The following CTSC variants were observed in gnomAD, a reference collection of about 807,000 sequenced individuals.
CTSC encodes dipeptidyl peptidase 1.
CTSC carries 37 observed loss-of-function variants against 40.9 expected under a neutral mutation model. The observed-to-expected ratio is 0.91, with a 90% CI of 0.70 to 1.19. CTSC has a LOEUF of 1.19. Among genes scored for constraint, CTSC ranks in the 50% most tolerant of loss-of-function variants. CTSC has a pLI of 0.00. For synonymous variants in CTSC, 232 were observed against 207.4 expected, an observed-to-expected ratio of 1.12 and a Z score of -1.02; for missense variants, 594 against 567.3, an observed-to-expected ratio of 1.05 and a Z score of -0.48.
chr11:88,324,237 C>T (rs960279028), intron 2 of CTSC: 1 of 277,540 alleles, frequency 3.6e-6, no homozygotes, highest in Non-Finnish European at 5.5e-6. Context: ...TTTCTTATAC[C>T]TATACAAAAA....
At chr11:88,312,676 G>GT in intron 2 of CTSC, 122 bp from the exon 3 acceptor site, 1 of 1,055,824 alleles carries the variant, frequency 9.5e-7, no homozygotes, top group Non-Finnish European at 1.4e-6. Flanking sequence ...ACCCTGAGAG[G>GT]TTACACTGTA....
chr11:88,324,449 A>AATC (rs1938121173), intron 2 of CTSC: 1 of 979,950 alleles, frequency 1.0e-6, no homozygotes, highest in African/African-American at 1.7e-5. Flanking sequence ...TAGAGCAGGG[A>AATC]ATCAAAAAAG....
chr11:88,311,878 G>C (rs1327002441), intron 3 of CTSC, among the ~76,000 whole-genome samples: 1 of 152,100 alleles, frequency 6.6e-6, no homozygotes, highest in Non-Finnish European at 1.5e-5. Flanking sequence ...CCTCAATCTT[G>C]GACTTCTAGC....
chr11:88,319,714 T>A (rs1937954696), intron 2 of CTSC, among the ~76,000 whole-genome samples: 1 of 152,210 alleles, frequency 6.6e-6, no homozygotes, highest in Admixed American at 6.5e-5. Context: ...ATAACAAATG[T>A]AGTACAGTGA....
chr11:88,324,934 A>T (rs760792117), intron 2 of CTSC: 73 of 985,252 alleles, frequency 7.4e-5, no homozygotes, highest in Non-Finnish European at 8.2e-5. Flanking sequence ...TACCTCTCAG[A>T]TCATACAAAG....
intron 2 of CTSC, chr11:88,325,381 C>T (rs1938152983): frequency 7.1e-6 from 7 of 985,408 alleles, no homozygotes; most frequent in Non-Finnish European, 8.4e-6. Flanking sequence ...TCTCTTAAAA[C>T]TTCAACATGA....
intron 5 of CTSC, chr11:88,296,622 T>C: frequency 2.9e-6 from 1 of 347,478 alleles, no homozygotes; most frequent in South Asian, 2.3e-5. Flanking sequence ...GATGGAGGAA[T>C]ACATGTGAGC....
At chr11:88,334,679 G>T in intron 2 of CTSC, 1 of 417,074 alleles carries the variant, frequency 2.4e-6, no homozygotes, top group South Asian at 2.9e-5. Flanking sequence ...TAAGAATTTA[G>T]TCATACTTAC....
intron 4 of CTSC, among the ~76,000 whole-genome samples, chr11:88,303,463 C>T (rs1055322747): frequency 2.0e-5 from 3 of 152,192 alleles, no homozygotes; most frequent in African/African-American, 7.2e-5. Context: ...GCTAGAGTGA[C>T]TCACAGAACT....
chr11:88,332,970 A>G (rs1938402256), intron 2 of CTSC, among the ~76,000 whole-genome samples: 1 of 152,208 alleles, frequency 6.6e-6, no homozygotes, highest in Non-Finnish European at 1.5e-5. Context: ...GTGATTTTCT[A>G]TTGACCTAAT....
intron 2 of CTSC, among the ~76,000 whole-genome samples, chr11:88,317,853 C>T (rs560937816): frequency 2.0e-5 from 3 of 152,276 alleles, no homozygotes; most frequent in Non-Finnish European, 4.4e-5. Flanking sequence ...TAGATAATTT[C>T]CTAAAATATG....
chr11:88,319,021 T>A (rs1007964190), intron 2 of CTSC, among the ~76,000 whole-genome samples: 7 of 152,224 alleles, frequency 4.6e-5, no homozygotes, highest in Non-Finnish European at 1.0e-4. Flanking sequence ...GTTCATCTGT[T>A]ATGTACAGTG....
At chr11:88,329,658 T>C (rs771534539) in intron 2 of CTSC, among the ~76,000 whole-genome samples, 4 of 152,074 alleles carry the variant, frequency 2.6e-5, no homozygotes, top group Admixed American at 6.5e-5. Context: ...TATCCAGCCA[T>C]CATGTAAAGT....
At chr11:88,313,574 C>A (rs1937815544) in intron 2 of CTSC, among the ~76,000 whole-genome samples, 1 of 152,190 alleles carries the variant, frequency 6.6e-6, no homozygotes, top group Non-Finnish European at 1.5e-5. Context: ...AGCCTAGTCA[C>A]CCTCATGTTA....
chr11:88,294,045 C>T lies in CTSC; in HGVS notation c.1353G>A (p.Glu451=), dbSNP rs772192177. The change falls in exon 7 of 7, where the codon GAG becomes GAA. Residue 451 remains glutamate (E), a synonymous_variant. Coordinates refer to ENST00000227266, the MANE Select transcript of CTSC (RefSeq NM_001814.6). ...IRRGTDECAI[E]SIAVAATPIP... ...TTGGTGTGGCTGCCACTGCTATGCT[C>T]TCAATTGCACACTCATCAGTTCCTC... is the stretch of plus-strand genomic sequence containing the variant. The T allele has an allele frequency of 6.2e-7, 1 of 1,613,932 alleles. No individual in the cohort carries two copies. The highest frequency in any genetic ancestry group is 2.2e-5 in the East Asian group (1 of 44,888).
intron 4 of CTSC, 147 bp from the exon 5 acceptor site, chr11:88,300,792 A>C (rs1300241343): frequency 3.8e-5 from 25 of 658,072 alleles, no homozygotes; most frequent in Non-Finnish European, 6.6e-5. Context: ...TGAGTGATTC[A>C]ATGTGTCAAT....
intron 2 of CTSC, among the ~76,000 whole-genome samples, chr11:88,316,374 C>G (rs536985437): frequency 1.3e-5 from 2 of 151,928 alleles, no homozygotes; most frequent in African/African-American, 2.4e-5. Flanking sequence ...TTTGGAACGC[C>G]GAGGTTGGGG....
At chr11:88,324,998 C>A (rs1026261390) in intron 2 of CTSC, 11 of 985,074 alleles carry the variant, frequency 1.1e-5, no homozygotes, top group African/African-American at 3.5e-5. Context: ...GAGAAAAATT[C>A]TTCTATTCAA....
At chr11:88,304,146 T>G (rs149579726) in intron 4 of CTSC, among the ~76,000 whole-genome samples, 1 of 152,250 alleles carries the variant, frequency 6.6e-6, no homozygotes, top group African/African-American at 2.4e-5. Context: ...GCATATGATT[T>G]TATCACTTAC....
Sources: gnomAD v4.1 joint callset for allele counts (sites outside exome capture counted in the v4.1 genomes callset) on GRCh38, gnomAD v4.1.1 for gene constraint, MANE v1.5 for transcripts, NCBI Gene and HGNC (gene_info 2026-07-23, HGNC 2026-07-21) for gene names.